Variants in MNX1 observed in about 807,000 individuals in gnomAD.
The protein encoded by MNX1 is motor neuron and pancreas homeobox 1.
In MNX1, 2 loss-of-function variants were observed where a neutral mutation model predicts 17.3. That is an observed-to-expected ratio of 0.12 (90% CI 0.05 to 0.36). MNX1 has a LOEUF of 0.36. Among genes scored for constraint, MNX1 ranks in the 10% least tolerant of loss-of-function variants. The pLI is 1.00. For missense variants in MNX1, 556 were observed against 564.7 expected (o/e 0.98, Z 0.16); for synonymous variants, 306 against 283.1 (o/e 1.08, Z -0.81).
At position 157,009,051 on chromosome 7, in the gene MNX1, A is replaced by G; in HGVS notation, c.691+609T>C. ...GGCACCTACTGTTGAGAGTCCCCCC[A>G]TAGCTGGTTCAAGCCAGGCCACCTG... On this transcript the variant is annotated intron_variant, in intron 1 of 2. Transcript: ENST00000252971. The G allele has an allele frequency of 3.9e-6, 6 of 1,536,926 alleles. No homozygotes were observed. The South Asian group carries it at 5.9e-5, about 15-fold the overall frequency.
chr7:157,005,212 G>C lies in MNX1; in HGVS notation c.*308C>G, dbSNP rs1805567291. ...CGGGGTGGGTCGGTTCTTCTCACAC[G>C]CACTCGCGCCTCCCCCAACACCAAC... On this transcript the variant is annotated 3_prime_UTR_variant, in exon 3 of 3. Transcript: ENST00000252971. The C allele has an allele frequency of 4.1e-6, 1 of 241,178 alleles. No individual in the cohort carries two copies. Among genetic ancestry groups the C allele is most frequent in the South Asian group, 1.8e-4 (1 of 5,614 alleles). 14.9% of individuals were successfully genotyped at this position (241,178 alleles called of 1,614,324 possible). A position where few individuals can be genotyped will look rare whatever the true frequency, so the allele number is the denominator to read the frequency against.
chr7:157,008,235 C>T (rs1006668695), intron 1 of MNX1: 14 of 152,276 alleles, frequency 9.2e-5, no homozygotes, highest in Admixed American at 2.0e-4. Context: ...GCTGGCCAGC[C>T]CCCTCCGTGG....
At chr7:157,009,442 G>A in intron 1 of MNX1, 1 of 1,429,788 alleles carries the variant, frequency 7.0e-7, no homozygotes, top group Non-Finnish European at 9.1e-7. Flanking sequence ...GAGAGGAAGA[G>A]AAGGCAAGGC....
At position 157,009,904 on chromosome 7, in the gene MNX1, G is replaced by T; in HGVS notation, c.447C>A (p.Gly149=). The change falls in exon 1 of 3, where the codon GGC becomes GGA. Residue 149 remains glycine (G), a synonymous_variant. Transcript: ENST00000252971. ...LGLHPGGAQG[G]AGLPAQAALY... The stretch of plus-strand genomic sequence containing the variant: ...GCGCCGCCTGCGCCGGGAGGCCCGC[G>T]CCGCCCTGCGCGCCCCCAGGGTGCA... 7.6e-7 allele frequency: 1 copy of T among 1,319,634 alleles called. No individual in the cohort carries two copies. The highest frequency in any genetic ancestry group is 1.9e-5 in the South Asian group (1 of 53,402). The allele number at this position is 1,319,634 out of a possible 1,614,324, so 81.7% of individuals were successfully genotyped here.
In MNX1 at chr7:157,010,277, C is replaced by A; in HGVS notation, c.74G>T (p.Ser25Ile). Residue 25 changes from serine to isoleucine, a missense_variant, in exon 1 of 3, where the codon AGC (serine) becomes ATC (isoleucine). This residue lies in a region of MNX1 where 45 missense variants were observed against 42.0 expected (regional missense o/e 1.07). Transcript: ENST00000252971. ...CGACGTGACCAAGGCCAGCGGCGCG[C>A]TCTGCGCAGAGGCGGCTCGTGGGGG... Reference protein sequence around the residue: ...VDPPRAASAQSAPLALVTSLA... With the variant: ...VDPPRAASAQIAPLALVTSLA... 6.5e-7 allele frequency: 1 copy of A among 1,537,538 alleles called. No individual in the cohort carries two copies. Among genetic ancestry groups the A allele is most frequent in the Non-Finnish European group, 8.8e-7 (1 of 1,142,672 alleles).
chr7:157,010,416 A>T lies in MNX1; in HGVS notation c.-66T>A, dbSNP rs2134847836. ...GACGCGGCCGTGTGCGGGCTCGCGGAGTCAGTGCGTGCGGTGCAAGCCCGG... is the reference window on the plus strand; with the variant it reads ...GACGCGGCCGTGTGCGGGCTCGCGGTGTCAGTGCGTGCGGTGCAAGCCCGG... On this transcript the variant is annotated 5_prime_UTR_variant, in exon 1 of 3. Coordinates refer to ENST00000252971, the MANE Select transcript of MNX1 (RefSeq NM_005515.4). 2.2e-6 allele frequency: 3 copies of T among 1,361,350 alleles called. No homozygotes were observed. In the South Asian group the frequency reaches 3.9e-5, roughly 18 times the overall value. 84.3% of individuals were successfully genotyped at this position (1,361,350 alleles called of 1,614,324 possible). A position where few individuals can be genotyped will look rare whatever the true frequency, so the allele number is the denominator to read the frequency against.
At chr7:157,009,047 C>A in intron 1 of MNX1, 1 of 1,537,036 alleles carries the variant, frequency 6.5e-7, no homozygotes. Context: ...TTGAGAGTCC[C>A]CCCATAGCTG....
intron 1 of MNX1, chr7:157,008,928 G>T (rs1286289778): frequency 1.4e-6 from 2 of 1,479,176 alleles, no homozygotes; most frequent in Non-Finnish European, 1.8e-6. Context: ...GAAGCTGCCC[G>T]AAGCCCAGCG....
At chr7:157,008,663 A>C (rs1463870115) in intron 1 of MNX1, 3 of 376,670 alleles carry the variant, frequency 8.0e-6, no homozygotes, top group African/African-American at 6.2e-5. Flanking sequence ...CTCTGCCTGC[A>C]TCTCCCCAGT....
At position 157,006,852 on chromosome 7, in the gene MNX1, AAT is replaced by A; in HGVS notation, c.692-215_692-214del. 4 of 327,626 alleles carry A rather than the reference AAT, an allele frequency of 1.2e-5. No homozygotes were observed. The highest frequency in any genetic ancestry group is 7.2e-5 in the African/African-American group (1 of 13,888). The allele number at this position is 327,626 out of a possible 1,614,324, so 20.3% of individuals were successfully genotyped here. ...TGGATAGTTTGGAGTTAATGAGACC[AAT>A]TTTTTTTTTTTTTTTTGTCTAGGAG... is the stretch of plus-strand genomic sequence containing the variant. On this transcript the variant is annotated intron_variant, in intron 1 of 2. Transcript: ENST00000252971. The surrounding 1 kb of genome is among the most constrained non-coding windows in gnomAD (Gnocchi z 6.3).
chr7:157,009,080 C>T, intron 1 of MNX1: 2 of 1,536,628 alleles, frequency 1.3e-6, no homozygotes, highest in East Asian at 2.4e-5. Flanking sequence ...CCACCTGCCT[C>T]GGCCATCGCA....
At chr7:157,009,305 C>T (rs1805662608) in intron 1 of MNX1, 8 of 1,416,508 alleles carry the variant, frequency 5.6e-6, no homozygotes, top group Non-Finnish European at 7.3e-6. Flanking sequence ...GCCCTGACCC[C>T]CATTCCCGGG....
At position 157,009,872 on chromosome 7, in the gene MNX1, C is replaced by A. The variant is rs780438307; in HGVS notation, c.479G>T (p.Gly160Val). ...CGCGGAGTAGCCGTAGACCGGGTGG[C>A]CGTAGAGCGCCGCCTGCGCCGGGAG... ...AGLPAQAALY[G>V]HPVYGYSAAA... The change falls in exon 1 of 3, where the codon GGC becomes GTC. Residue 160 changes from glycine to valine, a missense_variant. Transcript: ENST00000252971. 1 of 1,453,178 alleles carries A rather than the reference C, an allele frequency of 6.9e-7. No individual in the cohort carries two copies. Among genetic ancestry groups the A allele is most frequent in the South Asian group, 1.3e-5 (1 of 75,176 alleles). The allele number at this position is 1,453,178 out of a possible 1,614,324, so 90.0% of individuals were successfully genotyped here.
intron 1 of MNX1, chr7:157,008,699 C>T: frequency 2.1e-6 from 1 of 469,848 alleles, no homozygotes; most frequent in Non-Finnish European, 3.8e-6. Context: ...CAGACAGAAA[C>T]AATGGGGTCT....
Position 157,006,298 on chromosome 7 carries a change from T to A in MNX1, c.852+181A>T. Reference sequence around the variant, plus strand: ...AGGAGGGGTGGTTAAGTGCTGATTCTTGGGCCCCACCCGAAGCTACTGAAT... The same window carrying A: ...AGGAGGGGTGGTTAAGTGCTGATTCATGGGCCCCACCCGAAGCTACTGAAT... On this transcript the variant is annotated intron_variant, in intron 2 of 2. Transcript: ENST00000252971. This position sits in a 1 kb window ranked among gnomAD's most constrained non-coding sequence, Gnocchi z 6.3. The A allele has an allele frequency of 6.2e-6, 4 of 640,450 alleles. No homozygotes were observed. Among genetic ancestry groups the A allele is most frequent in the Non-Finnish European group, 1.1e-5 (4 of 374,322 alleles). The allele number at this position is 640,450 out of a possible 1,614,324, so 39.7% of individuals were successfully genotyped here. A position where few individuals can be genotyped will look rare whatever the true frequency, so the allele number is the denominator to read the frequency against.
In MNX1 at chr7:157,010,144, G is replaced by C; in HGVS notation, c.207C>G (p.Pro69=). 1 of 1,065,492 alleles carries C rather than the reference G, an allele frequency of 9.4e-7. No individual in the cohort carries two copies. Among genetic ancestry groups the C allele is most frequent in the Non-Finnish European group, 1.1e-6 (1 of 883,148 alleles). 66.0% of individuals were successfully genotyped at this position (1,065,492 alleles called of 1,614,324 possible). A position where few individuals can be genotyped will look rare whatever the true frequency, so the allele number is the denominator to read the frequency against. The change falls in exon 1 of 3, where the codon CCC becomes CCG. Residue 69 remains proline (P), a synonymous_variant. Coordinates refer to ENST00000252971, the MANE Select transcript of MNX1 (RefSeq NM_005515.4). ...GGCTCTCGGCGCGCAGGCGGTCGGCGGGCGCAGCCGGCGGCTCCGAGGACG... is the reference window on the plus strand; with the variant it reads ...GGCTCTCGGCGCGCAGGCGGTCGGCCGGCGCAGCCGGCGGCTCCGAGGACG... ...SPASSEPPAA[P]ADRLRAESPS...
At position 157,010,119 on chromosome 7, in the gene MNX1, G is replaced by A. The variant is rs1805686486; in HGVS notation, c.232C>T (p.Pro78Ser). 2 of 1,000,568 alleles carry A rather than the reference G, an allele frequency of 2.0e-6. No individual in the cohort carries two copies. The highest frequency in any genetic ancestry group is 2.4e-6 in the Non-Finnish European group (2 of 841,790). The allele number at this position is 1,000,568 out of a possible 1,614,324, so 62.0% of individuals were successfully genotyped here. Residue 78 changes from proline (P) to serine (S), a missense_variant, in exon 1 of 3, where the codon CCG (proline) becomes TCG (serine). This residue lies in a region of MNX1 where 115 missense variants were observed against 103.5 expected (regional missense o/e 1.11). Transcript: ENST00000252971. ...APADRLRAES[P>S]SPPRLLAAHC... Reference sequence around the variant, plus strand: ...GCGGCCAGCAGGCGCGGCGGCGACGGGCTCTCGGCGCGCAGGCGGTCGGCG... The same window carrying A: ...GCGGCCAGCAGGCGCGGCGGCGACGAGCTCTCGGCGCGCAGGCGGTCGGCG...
At position 157,009,949 on chromosome 7, in the gene MNX1, A is replaced by AGAGGCG; in HGVS notation, c.401_402insCGCCTC (p.Ala134_Gly135insAlaSer). 1 of 907,746 alleles carries AGAGGCG rather than the reference A, an allele frequency of 1.1e-6. No individual in the cohort carries two copies. The highest frequency in any genetic ancestry group is 1.3e-6 in the Non-Finnish European group (1 of 768,334). 56.2% of individuals were successfully genotyped at this position (907,746 alleles called of 1,614,324 possible). ...GGTGCAGCCCCAGCGCCAGGCCCCCAGCGGCGGCGGCGGCGGCGGCGGCGG... is the reference window on the plus strand; with the variant it reads ...GGTGCAGCCCCAGCGCCAGGCCCCCAGAGGCGGCGGCGGCGGCGGCGGCGGCGGCGG... On this transcript the variant is annotated inframe_insertion, in exon 1 of 3. Transcript: ENST00000252971.
Position 157,008,640 on chromosome 7 carries a change from T to C in MNX1, c.691+1020A>G, listed in dbSNP as rs553196222. 40 of 306,664 alleles carry C rather than the reference T, an allele frequency of 1.3e-4. No homozygotes were observed. In the South Asian group the frequency reaches 3.3e-3, roughly 25 times the overall value. 19.0% of individuals were successfully genotyped at this position (306,664 alleles called of 1,614,324 possible). On this transcript the variant is annotated intron_variant, in intron 1 of 2. Coordinates refer to ENST00000252971, the MANE Select transcript of MNX1 (RefSeq NM_005515.4). The stretch of plus-strand genomic sequence containing the variant: ...GAGTGTTTATTTCTGTTTTCTTTTT[T>C]GCTTTTCCCCTGCTCTGCCTGCATC...
Sources: gnomAD v4.1 joint callset for allele counts on GRCh38, gnomAD v4.1.1 for gene constraint, gnomAD v4.1.1 regional missense constraint, Gnocchi (gnomAD v3.1) non-coding constraint, MANE v1.5 for transcripts, NCBI Gene and HGNC (gene_info 2026-07-23, HGNC 2026-07-21) for gene names.